Variants in RBFOX1 observed in about 807,000 individuals in gnomAD.
RBFOX1 encodes the protein RNA binding protein fox-1 homolog 1.
A neutral mutation model predicts 57.7 loss-of-function variants in RBFOX1; 8 were observed. That is an observed-to-expected ratio of 0.14 (90% CI 0.08 to 0.25). The LOEUF is 0.25. Among genes scored for constraint, RBFOX1 ranks in the 10% least tolerant of loss-of-function variants. RBFOX1 has a pLI of 1.00. For missense variants in RBFOX1, 611 were observed against 548.5 expected, an observed-to-expected ratio of 1.11 and a Z score of -1.14; for synonymous variants, 326 against 222.4, an observed-to-expected ratio of 1.47 and a Z score of -4.15.
chr16:6,610,993 G>C (rs763283557), intron 2 of RBFOX1, among the ~76,000 whole-genome samples: 69 of 152,118 alleles, frequency 4.5e-4, no homozygotes, highest in Non-Finnish European at 8.7e-4. Context: ...TCCTTAGCTG[G>C]AGCACAGATA....
chr16:6,884,100 C>T (rs1037864747), intron 3 of RBFOX1, among the ~76,000 whole-genome samples: 17 of 152,290 alleles, frequency 1.1e-4, no homozygotes, highest in African/African-American at 2.6e-4. Context: ...ACCTGCGATG[C>T]GCTGCAGAAG....
At position 6,164,242 on chromosome 16, in the gene RBFOX1, T is replaced by C. The variant is rs562601898; in HGVS notation, c.-127+144250T>C. Among the ~76,000 whole-genome samples the C allele has an allele frequency of 6.6e-5, 10 of 152,298 alleles. No individual in the cohort carries two copies. In the East Asian group the frequency reaches 1.7e-3, roughly 26 times the overall value. On this transcript the variant is annotated intron_variant, in intron 1 of 15. Coordinates refer to ENST00000550418, the MANE Select transcript of RBFOX1 (RefSeq NM_018723.4). ...TCAGGCAGATATTTGTACTTCTGTA[T>C]CTTTGAATTATATGTAATGTCAATT... is the stretch of plus-strand genomic sequence containing the variant.
intron 4 of RBFOX1, among the ~76,000 whole-genome samples, chr16:7,101,058 C>T (rs1322362339): frequency 1.3e-5 from 2 of 152,130 alleles, no homozygotes; most frequent in Non-Finnish European, 2.9e-5. Flanking sequence ...TACACTAAAA[C>T]ATCTCTCAAG....
chr16:6,295,099 G>GTT lies in RBFOX1; in HGVS notation c.-126-21870_-126-21869dup, dbSNP rs563055676. Among the ~76,000 whole-genome samples, 55 of 96,002 alleles carry GTT rather than the reference G, an allele frequency of 5.7e-4. 1 individual carries two copies. Among genetic ancestry groups the GTT allele is most frequent in the African/African-American group, 2.1e-3 (49 of 23,454 alleles). 63.0% of individuals were successfully genotyped at this position (96,002 alleles called of 152,430 possible). ...CTGGCAAAGAGCTCTTAAGCAGTGA[G>GTT]TTTTTTTTTTTTTTTTTTTTTTTTT... is the stretch of plus-strand genomic sequence containing the variant. On this transcript the variant is annotated intron_variant, in intron 1 of 15. Transcript: ENST00000550418.
At chr16:6,115,092 C>G (rs957104478) in intron 1 of RBFOX1, among the ~76,000 whole-genome samples, 10 of 151,316 alleles carry the variant, frequency 6.6e-5, no homozygotes, top group Non-Finnish European at 1.3e-4. Context: ...CATTTGTAAA[C>G]TATCATAACA....
chr16:5,799,172 A>G (rs2054977663), intron 3 of RBFOX1, among the ~76,000 whole-genome samples: 1 of 152,112 alleles, frequency 6.6e-6, no homozygotes, highest in East Asian at 1.9e-4. Context: ...AAATCCAAGC[A>G]GAAAGGGAAA....
intron 2 of RBFOX1, among the ~76,000 whole-genome samples, chr16:5,593,551 C>A (rs745826065): frequency 2.0e-5 from 3 of 152,142 alleles, no homozygotes; most frequent in Admixed American, 6.6e-5. Context: ...CCAAAACCCA[C>A]CAAAACCAAG....
intron 3 of RBFOX1, among the ~76,000 whole-genome samples, chr16:6,684,458 C>T (rs1022013509): frequency 1.3e-5 from 2 of 152,136 alleles, no homozygotes; most frequent in Admixed American, 6.5e-5. Flanking sequence ...AATTGCTGGC[C>T]ACGGCAAACC....
At chr16:5,672,218 T>C (rs2050032775) in intron 3 of RBFOX1, among the ~76,000 whole-genome samples, 1 of 152,156 alleles carries the variant, frequency 6.6e-6, no homozygotes, top group Admixed American at 6.5e-5. Context: ...TTCTCTTAGG[T>C]GAGCTTCATA....
At chr16:6,409,359 A>G (rs1369221365) in intron 2 of RBFOX1, among the ~76,000 whole-genome samples, 2 of 152,194 alleles carry the variant, frequency 1.3e-5, no homozygotes, top group Non-Finnish European at 2.9e-5. Context: ...TGTTGCAGTG[A>G]GCCGAGATCA....
At chr16:5,450,686 G>GCCA (rs2068396597) in intron 1 of RBFOX1, among the ~76,000 whole-genome samples, 1 of 152,134 alleles carries the variant, frequency 6.6e-6, no homozygotes, top group Non-Finnish European at 1.5e-5. Flanking sequence ...GAGGAAACTT[G>GCCA]CCACCACCAC....
At chr16:7,406,964 T>C (rs1376322475) in intron 4 of RBFOX1, among the ~76,000 whole-genome samples, 5 of 152,184 alleles carry the variant, frequency 3.3e-5, no homozygotes, top group Admixed American at 3.3e-4. Context: ...TCTCTGCCTC[T>C]GCGTTTGTAT....
chr16:7,350,452 G>T (rs950824950), intron 4 of RBFOX1, among the ~76,000 whole-genome samples: 1 of 152,174 alleles, frequency 6.6e-6, no homozygotes, highest in African/African-American at 2.4e-5. Flanking sequence ...GTAGGGCATT[G>T]CAGGCAGTTT....
intron 3 of RBFOX1, among the ~76,000 whole-genome samples, chr16:6,761,946 AT>A (rs1294115291): frequency 6.6e-6 from 1 of 151,990 alleles, no homozygotes; most frequent in Non-Finnish European, 1.5e-5. Flanking sequence ...TATCTCTGAC[AT>A]TTTTTGTTCA....
At chr16:7,569,956 G>T (rs935151001) in intron 5 of RBFOX1, among the ~76,000 whole-genome samples, 2 of 152,036 alleles carry the variant, frequency 1.3e-5, no homozygotes, top group Non-Finnish European at 2.9e-5. Context: ...GTTTGTTTGG[G>T]GGATCCTTCA....
At chr16:7,368,206 G>A (rs1175313292) in intron 4 of RBFOX1, among the ~76,000 whole-genome samples, 1 of 150,698 alleles carries the variant, frequency 6.6e-6, no homozygotes, top group Non-Finnish European at 1.5e-5. Context: ...GGTGGAGGTT[G>A]CAATAAGCCA....
chr16:5,741,043 C>G (rs975877526), intron 3 of RBFOX1, among the ~76,000 whole-genome samples: 1 of 152,140 alleles, frequency 6.6e-6, no homozygotes, highest in Non-Finnish European at 1.5e-5. Context: ...CTATTATCAC[C>G]TCTGTTTTGT....
intron 3 of RBFOX1, among the ~76,000 whole-genome samples, chr16:7,024,636 G>C (rs2040333350): frequency 6.6e-6 from 1 of 152,142 alleles, no homozygotes; most frequent in Non-Finnish European, 1.5e-5. Context: ...ATCTTTGTTT[G>C]ATGCTTAGGG....
intron 4 of RBFOX1, among the ~76,000 whole-genome samples, chr16:7,229,388 C>T (rs2093345504): frequency 1.3e-5 from 2 of 152,042 alleles, no homozygotes; most frequent in African/African-American, 4.8e-5. Flanking sequence ...TGGTCCTTGC[C>T]CTATAAAGGA....
Sources: gnomAD v4.1 joint callset for allele counts (sites outside exome capture counted in the v4.1 genomes callset) on GRCh38, gnomAD v4.1.1 for gene constraint, MANE v1.5 for transcripts, NCBI Gene and HGNC (gene_info 2026-07-23, HGNC 2026-07-21) for gene names.